SEMA7A: variants seen among roughly 807,000 people sequenced by gnomAD.
SEMA7A encodes the protein semaphorin 7A (JohnMiltonHagen blood group), also known as semaphorin-7A.
A neutral mutation model predicts 67.5 loss-of-function variants in SEMA7A; 21 were observed. The ratio of observed to expected loss-of-function variants is 0.31; its 90% confidence interval spans 0.22 to 0.45. The LOEUF is 0.45. SEMA7A is among the 20% of genes least tolerant of loss of function. The pLI, the probability that SEMA7A is intolerant of heterozygous loss-of-function variation, is 1.00. For missense variants in SEMA7A, 774 were observed against 908.6 expected (o/e 0.85, Z 1.90); for synonymous variants, 364 against 368.5 (o/e 0.99, Z 0.14).
chr15:74,420,913 G>C (rs1013559607), intron 1 of SEMA7A, among the ~76,000 whole-genome samples: 55 of 152,336 alleles, frequency 3.6e-4, no homozygotes, highest in African/African-American at 1.2e-3. Context: ...TAGTCCCTGG[G>C]AGTCAAAGCA....
At chr15:74,418,744 A>G (rs2060974058) in intron 2 of SEMA7A, 57 bp downstream of exon 2, 3 of 1,572,484 alleles carry the variant, frequency 1.9e-6, no homozygotes, top group Non-Finnish European at 2.6e-6. Context: ...GACCCTTGGC[A>G]GGGCCAGAGG....
chr15:74,418,188 G>A (rs2060968974), intron 3 of SEMA7A, 80 bp downstream of exon 3: 1 of 1,439,884 alleles, frequency 6.9e-7, no homozygotes, highest in East Asian at 2.3e-5. Flanking sequence ...GCAGGGCCAT[G>A]CTTCCTTCCT....
At position 74,413,897 on chromosome 15, in the gene SEMA7A, G is replaced by C. The variant is rs545277349; in HGVS notation, c.1294+650C>G. On this transcript the variant is annotated intron_variant, in intron 10 of 13. Transcript: ENST00000261918. ...AGTCTCAAGGAAGGCAGCTGGCATG[G>C]GAAGCTGCGACAAACCCAACTCAGG... Among the ~76,000 whole-genome samples, 50 of 152,278 alleles carry C rather than the reference G, an allele frequency of 3.3e-4. 1 individual carries two copies. Among genetic ancestry groups the C allele is most frequent in the African/African-American group, 1.2e-3 (48 of 41,538 alleles).
chr15:74,410,747 G>A lies in SEMA7A; in HGVS notation c.1878C>T (p.His626=). Residue 626 remains histidine (H), a synonymous_variant, in exon 14 of 14, where the codon CAC becomes CAT. Transcript: ENST00000261918. This position sits in a 1 kb window ranked among gnomAD's most constrained non-coding sequence, Gnocchi z 7.5. ...TGCCGTCCTCGGGCAGCAGCTGCCA[G>A]TGCTGAGCCTCGCGGAAGTAGGAGC... ...QEGSYFREAQ[H]WQLLPEDGIM... The A allele has an allele frequency of 1.9e-6, 3 of 1,614,084 alleles. No homozygotes were observed. Among genetic ancestry groups the A allele is most frequent in the South Asian group, 1.1e-5 (1 of 91,086 alleles).
intron 1 of SEMA7A, among the ~76,000 whole-genome samples, chr15:74,422,004 A>G (rs901144102): frequency 3.9e-5 from 6 of 152,196 alleles, no homozygotes; most frequent in African/African-American, 7.2e-5. Flanking sequence ...AGGGAAAGCC[A>G]GGCAGAGGAC....
chr15:74,414,880 G>A lies in SEMA7A; in HGVS notation c.1053C>T (p.Leu351=). The A allele has an allele frequency of 1.9e-6, 3 of 1,614,210 alleles. No homozygotes were observed. Among genetic ancestry groups the A allele is most frequent in the Non-Finnish European group, 2.5e-6 (3 of 1,180,026 alleles). The part of the protein sequence containing the change: ...DIDKVFRTSS[L]KGYHSSLPNP... Reference sequence around the variant, plus strand: ...TGGGAAGGCTTGAGTGGTAGCCCTTGAGTGAGGAGGTACGGAAGACCTTGT... The same window carrying A: ...TGGGAAGGCTTGAGTGGTAGCCCTTAAGTGAGGAGGTACGGAAGACCTTGT... The change falls in exon 9 of 14, where the codon CTC becomes CTT. Residue 351 remains leucine, a synonymous_variant. Transcript: ENST00000261918. This position sits in a 1 kb window ranked among gnomAD's most constrained non-coding sequence, Gnocchi z 4.1.
In SEMA7A at chr15:74,411,817, T is replaced by C. The variant is rs557057080; in HGVS notation, c.1422+68A>G. The stretch of plus-strand genomic sequence containing the variant: ...CTCTTAAAAGAACACACAAATCACA[T>C]GCAAAGGAGCCCTGTCCTCAGCTGC... On this transcript the variant is annotated intron_variant, in intron 11 of 13. Coordinates refer to ENST00000261918, the MANE Select transcript of SEMA7A (RefSeq NM_003612.5). This position sits in a 1 kb window ranked among gnomAD's most constrained non-coding sequence, Gnocchi z 4.4. 1.2e-4 allele frequency: 192 copies of C among 1,604,584 alleles called. No homozygotes were observed. Among genetic ancestry groups the C allele is most frequent in the Non-Finnish European group, 1.6e-4 (184 of 1,175,878 alleles).
In SEMA7A at chr15:74,414,223, ACG is replaced by A. The variant is rs1448115359; in HGVS notation, c.1294+322_1294+323del. 6.6e-6 allele frequency among the ~76,000 whole-genome samples: 1 copy of A among 152,084 alleles called. No homozygotes were observed. Among genetic ancestry groups the A allele is most frequent in the African/African-American group, 2.4e-5 (1 of 41,400 alleles). On this transcript the variant is annotated intron_variant, in intron 10 of 13. Coordinates refer to ENST00000261918, the MANE Select transcript of SEMA7A (RefSeq NM_003612.5). This position sits in a 1 kb window ranked among gnomAD's most constrained non-coding sequence, Gnocchi z 4.1. ...TTCAGGCCCCTCCTCCTCATTTGCC[ACG>A]TCTCTTCCTACCATCTTCTTCCCTG...
chr15:74,415,598 C>A (rs1438849122), intron 8 of SEMA7A, among the ~76,000 whole-genome samples: 1 of 152,134 alleles, frequency 6.6e-6, no homozygotes, highest in Admixed American at 6.5e-5. Context: ...CACACACACC[C>A]ATGAGTGCAG....
rs572867366 is a variant in SEMA7A, at chr15:74,417,440, C to T, written c.556G>A (p.Glu186Lys). Residue 186 changes from glutamate to lysine, a missense_variant, in exon 6 of 14, where the codon GAG becomes AAG. Glu to Lys is a moderately conservative substitution (Grantham distance 56, BLOSUM62 1). Coordinates refer to ENST00000261918, the MANE Select transcript of SEMA7A (RefSeq NM_003612.5). The part of the protein sequence containing the change: ...ENSLVLFEGD[E>K]VYSTIRKQEY... ...TGCTTCCGGATGGTGGAATACACCT[C>T]GTCCCCTGGGGTCAGTGGGAGGGAG... is the stretch of plus-strand genomic sequence containing the variant. 21 of 1,613,508 alleles carry T rather than the reference C, an allele frequency of 1.3e-5. No homozygotes were observed. The African/African-American group carries it at 1.3e-4, about 10-fold the overall frequency.
At position 74,416,674 on chromosome 15, in the gene SEMA7A, C is replaced by G. The variant is rs753456485; in HGVS notation, c.702G>C (p.Gln234His). The G allele has an allele frequency of 6.2e-7, 1 of 1,614,084 alleles. No homozygotes were observed. Among genetic ancestry groups the G allele is most frequent in the South Asian group, 1.1e-5 (1 of 91,080 alleles). The change falls in exon 7 of 14, where the codon CAG (glutamine) becomes CAC (histidine). Residue 234 changes from glutamine to histidine, a missense_variant. By Grantham distance (24) the Gln-to-His change is conservative (BLOSUM62 0). Around this residue, in one of 2 missense-constraint regions of SEMA7A, gnomAD observed 347 missense variants for 353.2 expected, o/e 0.98. Coordinates refer to ENST00000261918, the MANE Select transcript of SEMA7A (RefSeq NM_003612.5). ...FIKATIVHQD[Q>H]AYDDKIYYFF... Reference sequence around the variant, plus strand: ...AGTAGTAGATCTTGTCATCGTAAGCCTGGTCTTGGTGCACGATGGTGGCTT... The same window carrying G: ...AGTAGTAGATCTTGTCATCGTAAGCGTGGTCTTGGTGCACGATGGTGGCTT...
At position 74,410,528 on chromosome 15, in the gene SEMA7A, G is replaced by A; in HGVS notation, c.*96C>T. The A allele has an allele frequency of 2.0e-6, 3 of 1,473,448 alleles. No individual in the cohort carries two copies. The highest frequency in any genetic ancestry group is 2.7e-6 in the Non-Finnish European group (3 of 1,097,448). The allele number at this position is 1,473,448 out of a possible 1,614,324, so 91.3% of individuals were successfully genotyped here. A position where few individuals can be genotyped will look rare whatever the true frequency, so the allele number is the denominator to read the frequency against. On this transcript the variant is annotated 3_prime_UTR_variant, in exon 14 of 14. Coordinates refer to ENST00000261918, the MANE Select transcript of SEMA7A (RefSeq NM_003612.5). This position sits in a 1 kb window ranked among gnomAD's most constrained non-coding sequence, Gnocchi z 7.5. ...GTTATTCTGTCCCCTGGAAGAAGTGGCAGGCAAGGAGCTCCCGGGCCAGCC... is the reference window on the plus strand; with the variant it reads ...GTTATTCTGTCCCCTGGAAGAAGTGACAGGCAAGGAGCTCCCGGGCCAGCC...
chr15:74,418,842 G>T lies in SEMA7A; in HGVS notation c.289C>A (p.Leu97Ile). Reference sequence around the variant, plus strand: ...TTCTTGCCCTCGGGGAAGTCAAAGAGGTAGACCTTGCCACGTCCTCCCACC... The same window carrying T: ...TTCTTGCCCTCGGGGAAGTCAAAGATGTAGACCTTGCCACGTCCTCCCACC... ...VWVGGRGKVY[L>I]FDFPEGKNAS... Residue 97 changes from leucine (L) to isoleucine (I), a missense_variant, in exon 2 of 14, where the codon CTC becomes ATC. Leu to Ile is a conservative substitution (Grantham distance 5, BLOSUM62 2). Coordinates refer to ENST00000261918, the MANE Select transcript of SEMA7A (RefSeq NM_003612.5). 2.5e-6 allele frequency: 4 copies of T among 1,613,912 alleles called. No individual in the cohort carries two copies. The highest frequency in any genetic ancestry group is 3.4e-6 in the Non-Finnish European group (4 of 1,180,002).
chr15:74,432,176 C>T (rs1403795950), intron 1 of SEMA7A, among the ~76,000 whole-genome samples: 1 of 151,962 alleles, frequency 6.6e-6, no homozygotes, highest in Admixed American at 6.5e-5. Context: ...GGAAAGATTC[C>T]AGAACACTCA....
chr15:74,418,847 A>G lies in SEMA7A; in HGVS notation c.284T>C (p.Val95Ala). Residue 95 changes from valine to alanine, a missense_variant, in exon 2 of 14, where the codon GTC becomes GCC. Physicochemically the swap from Val to Ala is moderately conservative, Grantham distance 64. Around this residue, in one of 2 missense-constraint regions of SEMA7A, gnomAD observed 347 missense variants for 353.2 expected, o/e 0.98. Transcript: ENST00000261918. ...GCCCTCGGGGAAGTCAAAGAGGTAGACCTTGCCACGTCCTCCCACCCACAC... is the reference window on the plus strand; with the variant it reads ...GCCCTCGGGGAAGTCAAAGAGGTAGGCCTTGCCACGTCCTCCCACCCACAC... ...SSVWVGGRGK[V>A]YLFDFPEGKN... 1 of 1,613,804 alleles carries G rather than the reference A, an allele frequency of 6.2e-7. No individual in the cohort carries two copies. The highest frequency in any genetic ancestry group is 2.2e-5 in the East Asian group (1 of 44,874).
chr15:74,413,139 G>C (rs1044633009), intron 10 of SEMA7A, among the ~76,000 whole-genome samples: 1 of 151,582 alleles, frequency 6.6e-6, no homozygotes, highest in African/African-American at 2.4e-5. Context: ...TGTGGACTCT[G>C]AGATGTGGCC....
At chr15:74,422,066 C>T (rs953517294) in intron 1 of SEMA7A, among the ~76,000 whole-genome samples, 3 of 152,106 alleles carry the variant, frequency 2.0e-5, no homozygotes, top group African/African-American at 7.2e-5. Context: ...AGAGGCCATG[C>T]GCTGCAGCCT....
Position 74,414,462 on chromosome 15 carries a change from C to T in SEMA7A, c.1294+85G>A, listed in dbSNP as rs1655745092. Reference sequence around the variant, plus strand: ...ATTATTCCTTCCACATGTAAAGATCCAACCAGATGTTAACTACATTATTCC... The same window carrying T: ...ATTATTCCTTCCACATGTAAAGATCTAACCAGATGTTAACTACATTATTCC... On this transcript the variant is annotated intron_variant, in intron 10 of 13. Transcript: ENST00000261918. This position sits in a 1 kb window ranked among gnomAD's most constrained non-coding sequence, Gnocchi z 4.1. 1 of 1,313,014 alleles carries T rather than the reference C, an allele frequency of 7.6e-7. No homozygotes were observed. The highest frequency in any genetic ancestry group is 1.5e-5 in the African/African-American group (1 of 68,224). The allele number at this position is 1,313,014 out of a possible 1,614,324, so 81.3% of individuals were successfully genotyped here.
intron 2 of SEMA7A, 70 bp downstream of exon 2, chr15:74,418,731 G>A: frequency 6.4e-7 from 1 of 1,550,596 alleles, no homozygotes; most frequent in Non-Finnish European, 8.8e-7. Context: ...CGGATTCCCT[G>A]AGGACCCTTG....
Sources: allele counts gnomAD v4.1 joint callset (sites outside exome capture counted in the v4.1 genomes callset), GRCh38; gene constraint gnomAD v4.1.1; regional missense constraint gnomAD v4.1.1; non-coding constraint Gnocchi (gnomAD v3.1); transcripts MANE v1.5; gene names NCBI Gene and HGNC (gene_info 2026-07-23, HGNC 2026-07-21).